Variants in GUCA1C observed in about 807,000 individuals in gnomAD.
The protein encoded by GUCA1C is guanylyl cyclase-activating protein 3.
Under a neutral mutation model 16.2 loss-of-function variants are expected in GUCA1C, and 15 were observed. The ratio of observed to expected loss-of-function variants is 0.93; its 90% confidence interval spans 0.62 to 1.43. The LOEUF is 1.43. Among genes scored for constraint, GUCA1C ranks in the 40% most tolerant of loss-of-function variants. GUCA1C has a pLI of 0.00. For synonymous variants in GUCA1C, 78 were observed against 85.4 expected, an observed-to-expected ratio of 0.91 and a Z score of 0.48; for missense variants, 275 against 244.8, an observed-to-expected ratio of 1.12 and a Z score of -0.82.
At chr3:108,939,324 C>CT (rs549981150) in intron 1 of GUCA1C, among the ~76,000 whole-genome samples, 2,638 of 32,786 alleles carry the variant, frequency 0.08, 813 homozygotes, top group African/African-American at 0.18. Context: ...TGCTTCAAGG[C>CT]TTTTTTTTTT....
intron 1 of GUCA1C, among the ~76,000 whole-genome samples, chr3:108,928,246 G>T (rs1298143763): frequency 6.6e-6 from 1 of 152,164 alleles, no homozygotes; most frequent in African/African-American, 2.4e-5. Context: ...ATCCATCTGA[G>T]CAGGAGCTGC....
At chr3:108,951,116 G>A (rs909781820) in intron 1 of GUCA1C, among the ~76,000 whole-genome samples, 8 of 152,130 alleles carry the variant, frequency 5.3e-5, no homozygotes, top group Admixed American at 3.9e-4. Context: ...CAAATAGAGT[G>A]GTTACGAGGA....
chr3:108,948,087 A>T (rs2107318354), intron 1 of GUCA1C, among the ~76,000 whole-genome samples: 1 of 151,906 alleles, frequency 6.6e-6, no homozygotes, highest in East Asian at 1.9e-4. Flanking sequence ...CCCTCACCTG[A>T]TTTCCTATGT....
chr3:108,937,101 C>T (rs952723455), intron 1 of GUCA1C, among the ~76,000 whole-genome samples: 9 of 152,166 alleles, frequency 5.9e-5, no homozygotes, highest in Admixed American at 3.9e-4. Flanking sequence ...CAAGGCCTGA[C>T]GTGTTCATCC....
At chr3:108,915,290 C>G in intron 3 of GUCA1C, among the ~76,000 whole-genome samples, 1 of 152,226 alleles carries the variant, frequency 6.6e-6, no homozygotes, top group South Asian at 2.1e-4. Context: ...ATGATGACAA[C>G]TGTGATTGGC....
At chr3:108,943,244 G>A (rs550662473) in intron 1 of GUCA1C, among the ~76,000 whole-genome samples, 5 of 152,172 alleles carry the variant, frequency 3.3e-5, no homozygotes, top group South Asian at 2.1e-4. Flanking sequence ...GAGTGGGGGC[G>A]CTGATATGTG....
At chr3:108,951,839 GAC>G (rs1401593895) in intron 1 of GUCA1C, among the ~76,000 whole-genome samples, 3 of 152,128 alleles carry the variant, frequency 2.0e-5, no homozygotes, top group Non-Finnish European at 4.4e-5. Flanking sequence ...TCACACCAAG[GAC>G]ACACACACAC....
chr3:108,934,972 C>T (rs1253785734), intron 1 of GUCA1C, among the ~76,000 whole-genome samples: 2 of 151,872 alleles, frequency 1.3e-5, no homozygotes, highest in Non-Finnish European at 1.5e-5. Context: ...CGCCACCACG[C>T]CCGGCTAATT....
At chr3:108,915,296 T>C (rs545882411) in intron 3 of GUCA1C, among the ~76,000 whole-genome samples, 2 of 152,354 alleles carry the variant, frequency 1.3e-5, no homozygotes, top group South Asian at 2.1e-4. Flanking sequence ...ACAACTGTGA[T>C]TGGCATGCCA....
Position 108,908,046 on chromosome 3 carries a change from A to C in GUCA1C, c.606T>G (p.Gly202=). ...TDSSKSPDKA[G]LGKVKMK is the part of the protein sequence containing the mutation. The stretch of plus-strand genomic sequence containing the variant: ...GCTACTTCATTTTCACCTTCCCTAG[A>C]CCAGCCTTGTCAGGAGATTTGGAGG... The change falls in exon 4 of 4, where the codon GGT becomes GGG. Residue 202 remains glycine, a synonymous_variant. Transcript: ENST00000261047. 1 of 1,613,740 alleles carries C rather than the reference A, an allele frequency of 6.2e-7. No homozygotes were observed. Among genetic ancestry groups the C allele is most frequent in the Non-Finnish European group, 8.5e-7 (1 of 1,179,794 alleles).
intron 1 of GUCA1C, among the ~76,000 whole-genome samples, chr3:108,950,097 A>C (rs1322175569): frequency 6.6e-6 from 1 of 152,146 alleles, no homozygotes; most frequent in African/African-American, 2.4e-5. Flanking sequence ...TGCTTCTATG[A>C]GCTTGACTTT....
chr3:108,952,656 C>T (rs776334438), intron 1 of GUCA1C, among the ~76,000 whole-genome samples: 2 of 151,948 alleles, frequency 1.3e-5, no homozygotes, highest in Admixed American at 6.6e-5. Context: ...TAATTTTACT[C>T]AATTTACCTC....
chr3:108,948,008 T>C (rs756314235), intron 1 of GUCA1C, among the ~76,000 whole-genome samples: 1 of 152,178 alleles, frequency 6.6e-6, no homozygotes, highest in Non-Finnish European at 1.5e-5. Flanking sequence ...CAAACGGGAT[T>C]AGCAGCTCAC....
chr3:108,929,678 A>T (rs1353124880), intron 1 of GUCA1C, among the ~76,000 whole-genome samples: 1 of 152,214 alleles, frequency 6.6e-6, no homozygotes, highest in Non-Finnish European at 1.5e-5. Flanking sequence ...ATAAAATGCC[A>T]TGATAGAAGG....
At chr3:108,949,801 A>G (rs944626383) in intron 1 of GUCA1C, among the ~76,000 whole-genome samples, 2 of 152,302 alleles carry the variant, frequency 1.3e-5, no homozygotes, top group South Asian at 2.1e-4. Context: ...GGTATACAAT[A>G]TGTTATTTTT....
At chr3:108,939,076 G>A (rs754602129) in intron 1 of GUCA1C, among the ~76,000 whole-genome samples, 1 of 152,060 alleles carries the variant, frequency 6.6e-6, no homozygotes, top group Admixed American at 6.5e-5. Flanking sequence ...AAATTCCTCA[G>A]GTAGACATTA....
intron 1 of GUCA1C, among the ~76,000 whole-genome samples, chr3:108,948,747 C>T (rs1250115054): frequency 1.3e-5 from 2 of 151,918 alleles, no homozygotes; most frequent in Admixed American, 1.3e-4. Flanking sequence ...AGGATTTTCT[C>T]TTTACCCTTC....
rs565653714 is a variant in GUCA1C at position 108,909,766 on chromosome 3, T to C, written c.443-1557A>G. Among the ~76,000 whole-genome samples, 8 of 152,292 alleles carry C rather than the reference T, an allele frequency of 5.3e-5. No homozygotes were observed. In the South Asian group the frequency reaches 1.7e-3, roughly 32 times the overall value. On this transcript the variant is annotated intron_variant, in intron 3 of 3. Transcript: ENST00000261047. The stretch of plus-strand genomic sequence containing the variant: ...TTTTTCACTTTCTTCAAAACACTTG[T>C]GAATTCTGCTTATTAACTTTTTTCA...
intron 2 of GUCA1C, among the ~76,000 whole-genome samples, chr3:108,918,078 A>G (rs1236794787): frequency 1.3e-5 from 2 of 152,116 alleles, no homozygotes; most frequent in African/African-American, 2.4e-5. Flanking sequence ...AATCCGCACA[A>G]TTGCCATTTT....
Sources: gnomAD v4.1 joint callset for allele counts (sites outside exome capture counted in the v4.1 genomes callset) on GRCh38, gnomAD v4.1.1 for gene constraint, MANE v1.5 for transcripts, NCBI Gene and HGNC (gene_info 2026-07-23, HGNC 2026-07-21) for gene names.